Variants in TOP1 observed in about 807,000 individuals in gnomAD.
The protein encoded by TOP1 is DNA topoisomerase I.
In TOP1, 10 loss-of-function variants were observed where a neutral mutation model predicts 111.1. That is an observed-to-expected ratio of 0.09 (90% CI 0.06 to 0.15). TOP1 has a LOEUF of 0.15. Ranked by LOEUF, TOP1 falls within the 10% of genes least tolerant of loss-of-function variation. The pLI is 1.00. For synonymous variants in TOP1, 271 were observed against 302.9 expected, an observed-to-expected ratio of 0.89 and a Z score of 1.10; for missense variants, 474 against 926.7, an observed-to-expected ratio of 0.51 and a Z score of 6.34.
Position 41,121,874 on chromosome 20 carries a change from G to A in TOP1, c.2045+84G>A, listed in dbSNP as rs1424719341. ...AGGGCCCCTGGGGCCCTGGCTTTTCGATGGTTTCTGAGAAATGTCTTTTGG... is the reference window on the plus strand; with the variant it reads ...AGGGCCCCTGGGGCCCTGGCTTTTCAATGGTTTCTGAGAAATGTCTTTTGG... On this transcript the variant is annotated intron_variant, in intron 19 of 20. Coordinates refer to ENST00000361337, the MANE Select transcript of TOP1 (RefSeq NM_003286.4). This position sits in a 1 kb window ranked among gnomAD's most constrained non-coding sequence, Gnocchi z 4.2. 14 of 1,554,806 alleles carry A rather than the reference G, an allele frequency of 9.0e-6. No individual in the cohort carries two copies. The highest frequency in any genetic ancestry group is 3.7e-5 in the Admixed American group (2 of 54,072).
chr20:41,065,382 TTA>T (rs1491243522), intron 3 of TOP1, among the ~76,000 whole-genome samples: 2 of 152,262 alleles, frequency 1.3e-5, no homozygotes, highest in Non-Finnish European at 2.9e-5. Flanking sequence ...TCACTTTGGC[TTA>T]TCTCATTTTT....
chr20:41,120,942 C>T (rs1266064272), intron 18 of TOP1, among the ~76,000 whole-genome samples: 2 of 152,168 alleles, frequency 1.3e-5, no homozygotes, highest in East Asian at 1.9e-4. Context: ...GGGGTTTCAC[C>T]GTGTTAGCCA....
At chr20:41,038,559 G>C (rs1252072915) in intron 2 of TOP1, among the ~76,000 whole-genome samples, 1 of 152,104 alleles carries the variant, frequency 6.6e-6, no homozygotes, top group Non-Finnish European at 1.5e-5. Flanking sequence ...TGATACTATT[G>C]CTGTAAATCA....
intron 13 of TOP1, among the ~76,000 whole-genome samples, chr20:41,107,969 C>T (rs1416735699): frequency 1.3e-5 from 2 of 152,186 alleles, no homozygotes; most frequent in African/African-American, 2.4e-5. Context: ...GCTGGGTAGG[C>T]GTGAGCCACC....
At chr20:41,089,139 C>G (rs6065310) in intron 8 of TOP1, among the ~76,000 whole-genome samples, 1 of 150,396 alleles carries the variant, frequency 6.6e-6, no homozygotes, top group African/African-American at 2.5e-5. Flanking sequence ...ATTCTCCTGC[C>G]TCAGCCTCCC....
chr20:41,116,238 G>A lies in TOP1; in HGVS notation c.1708-40G>A. 7.2e-7 allele frequency: 1 copy of A among 1,379,516 alleles called. No homozygotes were observed. The highest frequency in any genetic ancestry group is 1.0e-6 in the Non-Finnish European group (1 of 969,024). 85.5% of individuals were successfully genotyped at this position (1,379,516 alleles called of 1,614,324 possible). ...CTAGGGCTGCCAGAAGGAGCAGGTA[G>A]TATAGCTTTGACCTAAATCTGTTGC... On this transcript the variant is annotated intron_variant, in intron 16 of 20. Transcript: ENST00000361337. This position sits in a 1 kb window ranked among gnomAD's most constrained non-coding sequence, Gnocchi z 5.6.
At chr20:41,081,373 A>C (rs1057494240) in intron 7 of TOP1, 133 bp downstream of exon 7, 13 of 1,098,870 alleles carry the variant, frequency 1.2e-5, no homozygotes, top group Non-Finnish European at 3.7e-6. Flanking sequence ...AAATTTAATA[A>C]GTGGTGGCTG....
intron 2 of TOP1, among the ~76,000 whole-genome samples, chr20:41,059,459 A>AATAAGGT (rs1555803678): frequency 1.3e-5 from 2 of 150,606 alleles, no homozygotes; most frequent in Non-Finnish European, 3.0e-5. Flanking sequence ...TAAATAAATA[A>AATAAGGT]GGTGGTGGTG....
Position 41,029,569 on chromosome 20 carries a change from C to T in TOP1, c.58+114C>T, listed in dbSNP as rs780327388. Reference sequence around the variant, plus strand: ...TGGCGTCCCAGAGACTAAGTCCCGGCTCCTCGCTCACCGGCCCCATTGTTC... The same window carrying T: ...TGGCGTCCCAGAGACTAAGTCCCGGTTCCTCGCTCACCGGCCCCATTGTTC... On this transcript the variant is annotated intron_variant, in intron 2 of 20. Coordinates refer to ENST00000361337, the MANE Select transcript of TOP1 (RefSeq NM_003286.4). This position sits in a 1 kb window ranked among gnomAD's most constrained non-coding sequence, Gnocchi z 6.1. 8.3e-6 allele frequency: 7 copies of T among 847,700 alleles called. No individual in the cohort carries two copies. The highest frequency in any genetic ancestry group is 1.3e-5 in the Non-Finnish European group (7 of 522,938). The allele number at this position is 847,700 out of a possible 1,614,324, so 52.5% of individuals were successfully genotyped here.
In TOP1 at chr20:41,058,052, T is replaced by C. The variant is rs1011931736; in HGVS notation, c.59-3342T>C. Among the ~76,000 whole-genome samples the C allele has an allele frequency of 1.3e-5, 2 of 152,198 alleles. No homozygotes were observed. The highest frequency in any genetic ancestry group is 2.1e-4 in the South Asian group (1 of 4,834). Reference sequence around the variant, plus strand: ...AGGGTTCTGTATGCTGCATGGAAGATTGAGTTCAAATCCTACTTCTGACAC... The same window carrying C: ...AGGGTTCTGTATGCTGCATGGAAGACTGAGTTCAAATCCTACTTCTGACAC... On this transcript the variant is annotated intron_variant, in intron 2 of 20. Transcript: ENST00000361337. This position sits in a 1 kb window ranked among gnomAD's most constrained non-coding sequence, Gnocchi z 4.2.
chr20:41,111,986 T>TAAAAA (rs896731059), intron 13 of TOP1, among the ~76,000 whole-genome samples: 2 of 152,240 alleles, frequency 1.3e-5, no homozygotes, highest in African/African-American at 2.4e-5. Flanking sequence ...CACATGGTTT[T>TAAAAA]AGTAACCCTT....
chr20:41,098,343 A>T lies in TOP1; in HGVS notation c.975+6A>T. The T allele has an allele frequency of 6.2e-7, 1 of 1,610,718 alleles. No homozygotes were observed. The highest frequency in any genetic ancestry group is 1.1e-5 in the South Asian group (1 of 90,030). Reference sequence around the variant, plus strand: ...TGAGCAAGGAAGAGAAACTGGTACTACAGAATTTATTAAACCTCTGGAGAA... The same window carrying T: ...TGAGCAAGGAAGAGAAACTGGTACTTCAGAATTTATTAAACCTCTGGAGAA... On this transcript the variant is annotated splice_donor_region_variant and intron_variant, in intron 11 of 20. Transcript: ENST00000361337. The surrounding 1 kb of genome is among the most constrained non-coding windows in gnomAD (Gnocchi z 5.7).
intron 2 of TOP1, among the ~76,000 whole-genome samples, chr20:41,055,717 G>C (rs1038275268): frequency 1.3e-5 from 2 of 152,188 alleles, no homozygotes; most frequent in African/African-American, 4.8e-5. Context: ...TCCTGGAACT[G>C]GGTTCTACTT....
At chr20:41,119,368 A>G (rs554207028) in intron 18 of TOP1, among the ~76,000 whole-genome samples, 1 of 152,330 alleles carries the variant, frequency 6.6e-6, no homozygotes, top group African/African-American at 2.4e-5. Flanking sequence ...TAATCTCAGC[A>G]TTTTGGGAGG....
rs559303538 is a variant in TOP1, at chr20:41,116,219, C to A, written c.1708-59C>A. On this transcript the variant is annotated intron_variant, in intron 16 of 20. Transcript: ENST00000361337. The surrounding 1 kb of genome is among the most constrained non-coding windows in gnomAD (Gnocchi z 5.6). Reference sequence around the variant, plus strand: ...GCACTGGCATAAATTACTCCTAGGGCTGCCAGAAGGAGCAGGTAGTATAGC... The same window carrying A: ...GCACTGGCATAAATTACTCCTAGGGATGCCAGAAGGAGCAGGTAGTATAGC... 151 of 1,112,916 alleles carry A rather than the reference C, an allele frequency of 1.4e-4. No homozygotes were observed. In the African/African-American group the frequency reaches 2.1e-3, roughly 15 times the overall value. 68.9% of individuals were successfully genotyped at this position (1,112,916 alleles called of 1,614,324 possible). A position where few individuals can be genotyped will look rare whatever the true frequency, so the allele number is the denominator to read the frequency against.
rs779948444 is a variant in TOP1 at position 41,061,427 on chromosome 20, G to A, written c.92G>A (p.Arg31Gln). Residue 31 changes from arginine to glutamine, a missense_variant, in exon 3 of 21, where the codon CGA (arginine) becomes CAA (glutamine). This residue lies in a region of TOP1 where 185 missense variants were observed against 226.3 expected (regional missense o/e 0.82). Transcript: ENST00000361337. This position sits in a 1 kb window ranked among gnomAD's most constrained non-coding sequence, Gnocchi z 4.6. ...SHKHKDKHKD[R>Q]EHRHKEHKKE... ...AAACACAAAGATAAACACAAAGATC[G>A]AGAACACCGGCACAAAGAACACAAG... 5 of 1,613,498 alleles carry A rather than the reference G, an allele frequency of 3.1e-6. No homozygotes were observed. Among genetic ancestry groups the A allele is most frequent in the East Asian group, 2.2e-5 (1 of 44,872 alleles).
rs181308070 is a variant in TOP1, at chr20:41,034,039, G to C, written c.58+4584G>C. On this transcript the variant is annotated intron_variant, in intron 2 of 20. Coordinates refer to ENST00000361337, the MANE Select transcript of TOP1 (RefSeq NM_003286.4). The surrounding 1 kb of genome is among the most constrained non-coding windows in gnomAD (Gnocchi z 4.0). ...AAATATATTGGATGTGGAGGTGAGA[G>C]TCAGTTGAGTGAATTTTCTGTGTTG... 1.3e-5 allele frequency among the ~76,000 whole-genome samples: 2 copies of C among 151,902 alleles called. No individual in the cohort carries two copies. Among genetic ancestry groups the C allele is most frequent in the Admixed American group, 1.3e-4 (2 of 15,276 alleles).
intron 3 of TOP1, among the ~76,000 whole-genome samples, chr20:41,070,695 G>T (rs999662053): frequency 2.0e-5 from 3 of 152,200 alleles, no homozygotes; most frequent in Non-Finnish European, 4.4e-5. Context: ...ACCTGCAGAG[G>T]TCTGCTGCCT....
At chr20:41,060,057 G>T (rs906359098) in intron 2 of TOP1, among the ~76,000 whole-genome samples, 4 of 152,210 alleles carry the variant, frequency 2.6e-5, no homozygotes, top group Non-Finnish European at 5.9e-5. Context: ...GTAGCAATTG[G>T]AATGCTAATG....
Sources: allele counts gnomAD v4.1 joint callset (sites outside exome capture counted in the v4.1 genomes callset), GRCh38; gene constraint gnomAD v4.1.1; regional missense constraint gnomAD v4.1.1; non-coding constraint Gnocchi (gnomAD v3.1); transcripts MANE v1.5; gene names NCBI Gene and HGNC (gene_info 2026-07-23, HGNC 2026-07-21).